The following PCDH15 variants were observed in gnomAD, a reference collection of about 807,000 sequenced individuals.
PCDH15 encodes protocadherin-15.
Under a neutral mutation model 178.5 loss-of-function variants are expected in PCDH15, and 129 were observed. The ratio of observed to expected loss-of-function variants is 0.72; its 90% CI spans 0.63 to 0.84. PCDH15 has a LOEUF of 0.84. Among genes scored for constraint, PCDH15 ranks in the 40% least tolerant of loss-of-function variants. PCDH15 has a pLI of 0.00. For synonymous variants in PCDH15, 800 were observed against 732.0 expected, an observed-to-expected ratio of 1.09 and a Z score of -1.50; for missense variants, 2,230 against 2,099.9, an observed-to-expected ratio of 1.06 and a Z score of -1.21.
At chr10:53,933,675 TTGG>T (rs1418310007) in intron 25 of PCDH15, among the ~76,000 whole-genome samples, 2 of 152,280 alleles carry the variant, frequency 1.3e-5, no homozygotes, top group African/African-American at 4.8e-5. Flanking sequence ...TTATAATCCT[TTGG>T]GTATATACCC....
intron 2 of PCDH15, among the ~76,000 whole-genome samples, chr10:55,609,658 A>G (rs1843321518): frequency 6.6e-6 from 1 of 152,124 alleles, no homozygotes; most frequent in Non-Finnish European, 1.5e-5. Context: ...CAAGAATAAT[A>G]TATATCAAAA....
intron 25 of PCDH15, among the ~76,000 whole-genome samples, chr10:53,918,428 A>C (rs2384334): frequency 0.69 from 104,354 of 151,498 alleles, 36,527 homozygotes; most frequent in East Asian, 1. Flanking sequence ...GCAAAGGTAA[A>C]TTCCATTAGA....
chr10:54,491,247 C>T (rs2079558630), intron 3 of PCDH15, among the ~76,000 whole-genome samples: 1 of 149,654 alleles, frequency 6.7e-6, no homozygotes, highest in Admixed American at 6.8e-5. Flanking sequence ...ATGCAAGTCT[C>T]TTCTCATATT....
rs745710573 is a variant in PCDH15 at position 53,809,293 on chromosome 10, A to AGAG, written c.4671+1260_4671+1262dup. The AGAG allele has an allele frequency of 2.5e-6, 4 of 1,613,948 alleles. No homozygotes were observed. In the South Asian group the frequency reaches 4.4e-5, roughly 18 times the overall value. On this transcript the variant is annotated intron_variant, in intron 37 of 37. Coordinates refer to ENST00000644397, the MANE Select transcript of PCDH15 (RefSeq NM_001384140.1). ...GCTTTCTGTTGCTTCCTCTTGGTCC[A>AGAG]GAGTGAGTTTCAAATAATCTTTATC... is the stretch of plus-strand genomic sequence containing the variant.
chr10:55,222,542 G>T (rs7082742), intron 1 of PCDH15, among the ~76,000 whole-genome samples: 23,374 of 151,062 alleles, frequency 0.15, 2,000 homozygotes, highest in East Asian at 0.27. Flanking sequence ...TTTGTTCATT[G>T]TTTATTTTCT....
At chr10:55,156,828 G>C (rs1838903296) in intron 2 of PCDH15, among the ~76,000 whole-genome samples, 1 of 152,124 alleles carries the variant, frequency 6.6e-6, no homozygotes, top group Admixed American at 6.6e-5. Flanking sequence ...TAAACAGAGA[G>C]AGGTTGGTGA....
rs189110640 is a variant in PCDH15, at chr10:55,454,273, A to G, written c.-156+173352T>C. Among the ~76,000 whole-genome samples, 82 of 152,292 alleles carry G rather than the reference A, an allele frequency of 5.4e-4. No homozygotes were observed. The South Asian group carries it at 8.5e-3, about 16-fold the overall frequency. On this transcript the variant is annotated intron_variant, in intron 2 of 5. Coordinates refer to the PCDH15 transcript ENST00000613346. ...TTAGCTTATAAATTAAGAATTGCTT[A>G]GCAAAGTTGTTTTTTTCTTTTTTTA...
chr10:55,085,774 CT>C (rs1842154095), intron 2 of PCDH15, among the ~76,000 whole-genome samples: 1 of 151,642 alleles, frequency 6.6e-6, no homozygotes, highest in Non-Finnish European at 1.5e-5. Context: ...ATGAAAAGTC[CT>C]TTTCCTATTG....
At chr10:54,261,024 G>C (rs78129623) in intron 8 of PCDH15, among the ~76,000 whole-genome samples, 2 of 152,144 alleles carry the variant, frequency 1.3e-5, no homozygotes, top group Non-Finnish European at 2.9e-5. Flanking sequence ...TGTTCAAACA[G>C]TTTATATTTC....
chr10:54,104,597 G>A (rs1158638521), intron 15 of PCDH15, among the ~76,000 whole-genome samples: 3 of 151,960 alleles, frequency 2.0e-5, no homozygotes, highest in Admixed American at 6.6e-5. Context: ...CAACACTTTG[G>A]GAGGCCAAGG....
rs189384195 is a variant in PCDH15 at position 53,935,570 on chromosome 10, T to C, written c.3373+3245A>G. On this transcript the variant is annotated intron_variant, in intron 25 of 37. Transcript: ENST00000644397. ...TAGTAAAATGAATTTTATGGGAGCA[T>C]AGCCAAACCCTTTGGTTTACGTATT... is the stretch of plus-strand genomic sequence containing the variant. Among the ~76,000 whole-genome samples the C allele has an allele frequency of 1.6e-3, 251 of 152,296 alleles. 3 individuals carry two copies. The highest frequency in any genetic ancestry group is 4.7e-4 in the Non-Finnish European group (32 of 68,018).
chr10:55,243,138 A>C (rs183952124), intron 1 of PCDH15, among the ~76,000 whole-genome samples: 2 of 152,294 alleles, frequency 1.3e-5, no homozygotes, highest in East Asian at 1.9e-4. Flanking sequence ...TCTGAAAAGG[A>C]AGTTTATTCC....
At position 53,835,487 on chromosome 10, in the gene PCDH15, AC is replaced by A. The variant is rs1490560415; in HGVS notation, c.3984-3955del. ...AAATGACAAAAAAGTGCCAGGTTAT[AC>A]TAAAATCATAAATTTCCTTGAGCTG... On this transcript the variant is annotated intron_variant, in intron 29 of 37. Transcript: ENST00000644397. 2.0e-5 allele frequency among the ~76,000 whole-genome samples: 3 copies of A among 152,192 alleles called. No individual in the cohort carries two copies. The South Asian group carries it at 6.2e-4, about 31-fold the overall frequency.
At chr10:54,050,504 G>T (rs2093746129) in intron 18 of PCDH15, among the ~76,000 whole-genome samples, 4 of 152,010 alleles carry the variant, frequency 2.6e-5, no homozygotes, top group Admixed American at 1.3e-4. Flanking sequence ...TCTTTTCGAA[G>T]AACCAACTTT....
rs377495152 is a variant in PCDH15, at chr10:55,467,959, T to A, written c.-156+159666A>T. Among the ~76,000 whole-genome samples, 244 of 48,570 alleles carry A rather than the reference T, an allele frequency of 5.0e-3. 1 individual carries two copies. Among genetic ancestry groups the A allele is most frequent in the African/African-American group, 0.033 (232 of 6,986 alleles). 31.9% of individuals were successfully genotyped at this position (48,570 alleles called of 152,430 possible). ...TCCAGCCTGGGCGATAGAGCCAGAC[T>A]CCGTCTCAAAAAAAAAAAAAAAAAA... On this transcript the variant is annotated intron_variant, in intron 2 of 5. Transcript: ENST00000613346.
chr10:55,191,141 T>C (rs559700790), intron 1 of PCDH15, among the ~76,000 whole-genome samples: 1 of 151,890 alleles, frequency 6.6e-6, no homozygotes, highest in East Asian at 1.9e-4. Flanking sequence ...CCATCTTGTA[T>C]TAAACATCAT....
chr10:53,929,424 T>A (rs2084846247), intron 25 of PCDH15, among the ~76,000 whole-genome samples: 1 of 152,164 alleles, frequency 6.6e-6, no homozygotes, highest in African/African-American at 2.4e-5. Flanking sequence ...CTCCTCTCCA[T>A]ATTTTAAAGT....
At chr10:53,932,252 G>A (rs999092542) in intron 25 of PCDH15, among the ~76,000 whole-genome samples, 1 of 152,106 alleles carries the variant, frequency 6.6e-6, no homozygotes, top group African/African-American at 2.4e-5. Context: ...TAATCCTACC[G>A]AACAGGATTT....
chr10:54,245,942 T>C (rs987571128), intron 8 of PCDH15, among the ~76,000 whole-genome samples: 3 of 151,984 alleles, frequency 2.0e-5, no homozygotes, highest in African/African-American at 7.2e-5. Context: ...GATACCTTCA[T>C]AAATCAATAG....
Sources: gnomAD v4.1 joint callset for allele counts (sites outside exome capture counted in the v4.1 genomes callset) on GRCh38, gnomAD v4.1.1 for gene constraint, MANE v1.5 for transcripts, NCBI Gene and HGNC (gene_info 2026-07-23, HGNC 2026-07-21) for gene names.